Variants in SYNPR observed in about 807,000 individuals in gnomAD.
SYNPR encodes the protein synaptoporin.
In SYNPR, 23 loss-of-function variants were observed where a neutral mutation model predicts 32.9. The ratio of observed to expected loss-of-function variants is 0.70; its 90% CI spans 0.50 to 0.99. The LOEUF (loss-of-function observed/expected upper bound fraction) is 0.99, where lower values mean the gene tolerates loss of function less well. Ranked by LOEUF, SYNPR falls within the 50% of genes least tolerant of loss-of-function variation. The probability of loss-of-function intolerance (pLI) is 0.00; values close to 1 mark genes in which losing one functional copy is unlikely to be tolerated. For synonymous variants in SYNPR, 146 were observed against 135.9 expected, an observed-to-expected ratio of 1.07 and a Z score of -0.52; for missense variants, 318 against 349.3, an observed-to-expected ratio of 0.91 and a Z score of 0.71.
At chr3:63,533,027 G>A (rs1039748942) in intron 3 of SYNPR, among the ~76,000 whole-genome samples, 5 of 152,070 alleles carry the variant, frequency 3.3e-5, no homozygotes, top group African/African-American at 1.2e-4. Flanking sequence ...TGTTCCCATT[G>A]CACTTGACCT....
chr3:63,276,620 T>TCC (rs11398109), upstream of SYNPR, among the ~76,000 whole-genome samples: 100 of 142,066 alleles, frequency 7.0e-4, no homozygotes, highest in Non-Finnish European at 1.0e-3. Context: ...TAGTGTTAGT[T>TCC]CCCCCCACCC....
At chr3:63,209,567 G>A in the SYNPR span, among the ~76,000 whole-genome samples, 2 of 152,076 alleles carry the variant, frequency 1.3e-5, no homozygotes, top group African/African-American at 4.8e-5. Flanking sequence ...TCATGATTAG[G>A]GTTTAGCCGT....
chr3:63,521,019 G>A (rs1387804417), intron 3 of SYNPR, among the ~76,000 whole-genome samples: 1 of 152,204 alleles, frequency 6.6e-6, no homozygotes, highest in Non-Finnish European at 1.5e-5. Flanking sequence ...AAACAAGCAA[G>A]TGAGGTGCTA....
At chr3:63,589,576 A>G (rs1408068708) in intron 4 of SYNPR, among the ~76,000 whole-genome samples, 2 of 151,006 alleles carry the variant, frequency 1.3e-5, no homozygotes, top group Non-Finnish European at 3.0e-5. Context: ...GGCAAACCGA[A>G]TCCAGCAGCA....
intron 2 of SYNPR, among the ~76,000 whole-genome samples, chr3:63,305,223 C>T (rs2086898539): frequency 6.6e-6 from 1 of 152,018 alleles, no homozygotes; most frequent in Admixed American, 6.6e-5. Context: ...TATTCTCCAG[C>T]TTCATCTGAG....
intron 2 of SYNPR, among the ~76,000 whole-genome samples, chr3:63,414,023 T>G (rs7641343): frequency 0.65 from 93,923 of 145,206 alleles, 30,417 homozygotes; most frequent in Middle Eastern, 0.76. Flanking sequence ...TATATATATA[T>G]AGAGAGAGAG....
intron 4 of SYNPR, among the ~76,000 whole-genome samples, chr3:63,584,621 G>C (rs752830204): frequency 2.0e-5 from 3 of 152,082 alleles, no homozygotes; most frequent in Non-Finnish European, 4.4e-5. Context: ...TGAGAAGCTG[G>C]GTTGAAATCG....
chr3:63,518,844 T>C (rs1347345954), intron 3 of SYNPR, among the ~76,000 whole-genome samples: 1 of 152,170 alleles, frequency 6.6e-6, no homozygotes, highest in Non-Finnish European at 1.5e-5. Flanking sequence ...CCAAGGAATA[T>C]AAATTATTCT....
chr3:63,255,824 A>C (rs2086377468), intron 2 of SYNPR, among the ~76,000 whole-genome samples: 1 of 152,182 alleles, frequency 6.6e-6, no homozygotes. Context: ...TCCTAGTCAA[A>C]AAAAGGGGTG....
intron 2 of SYNPR, among the ~76,000 whole-genome samples, chr3:63,306,411 G>A (rs1393806715): frequency 6.6e-6 from 1 of 151,850 alleles, no homozygotes; most frequent in Non-Finnish European, 1.5e-5. Context: ...TTATAAATAG[G>A]ATAGCTGTAC....
chr3:63,596,801 G>A (rs1699967701), intron 4 of SYNPR, among the ~76,000 whole-genome samples: 1 of 152,116 alleles, frequency 6.6e-6, no homozygotes, highest in Non-Finnish European at 1.5e-5. Context: ...AGGAAAAGGG[G>A]CATCACTGTC....
At chr3:63,229,275 C>T (rs2086150957) in intron 1 of SYNPR, among the ~76,000 whole-genome samples, 1 of 151,998 alleles carries the variant, frequency 6.6e-6, no homozygotes, top group South Asian at 2.1e-4. Flanking sequence ...ACACACACAT[C>T]CTGTGTGTTA....
intron 2 of SYNPR, chr3:63,351,496 G>A (rs2087509667): frequency 6.6e-6 from 1 of 152,126 alleles, no homozygotes; most frequent in Non-Finnish European, 1.5e-5. Context: ...GTTTTCCTTA[G>A]ACAAGGAAAT....
At chr3:63,257,479 G>A (rs946196470) in intron 2 of SYNPR, among the ~76,000 whole-genome samples, 2 of 152,130 alleles carry the variant, frequency 1.3e-5, no homozygotes, top group South Asian at 4.1e-4. Flanking sequence ...AACTTCATAA[G>A]TGAAGGAGAA....
At chr3:63,609,035 A>C in intron 4 of SYNPR, 90 bp from the exon 5 acceptor site, 2 of 1,411,198 alleles carry the variant, frequency 1.4e-6, no homozygotes, top group South Asian at 3.0e-5. Flanking sequence ...ATTTTCCAAA[A>C]GGCAAACCAA....
At chr3:63,380,787 A>G (rs2087957890) in intron 2 of SYNPR, among the ~76,000 whole-genome samples, 1 of 152,220 alleles carries the variant, frequency 6.6e-6, no homozygotes, top group Non-Finnish European at 1.5e-5. Context: ...TATACACAGA[A>G]CCAAAGACAA....
chr3:63,224,277 C>T (rs2086113307), upstream of SYNPR, among the ~76,000 whole-genome samples: 1 of 152,084 alleles, frequency 6.6e-6, no homozygotes, highest in Non-Finnish European at 1.5e-5. Flanking sequence ...TGTGAGAGAT[C>T]TAGGTTGCAG....
chr3:63,540,803 T>C (rs1702284299), intron 3 of SYNPR, among the ~76,000 whole-genome samples: 1 of 151,344 alleles, frequency 6.6e-6, no homozygotes, highest in African/African-American at 2.4e-5. Flanking sequence ...AAGACATGTG[T>C]TATTTCCGTT....
intron 2 of SYNPR, among the ~76,000 whole-genome samples, chr3:63,312,104 C>T (rs57247154): frequency 0.13 from 20,060 of 151,800 alleles, 1,429 homozygotes; most frequent in Non-Finnish European, 0.16. Flanking sequence ...GAAATAAATC[C>T]GGCAATGAAA....
Sources: allele counts gnomAD v4.1 joint callset (sites outside exome capture counted in the v4.1 genomes callset), GRCh38; gene constraint gnomAD v4.1.1; transcripts MANE v1.5; gene names NCBI Gene and HGNC (gene_info 2026-07-23, HGNC 2026-07-21).